Variants in WNK2 observed in about 807,000 individuals in gnomAD.
WNK2 encodes the protein serine/threonine-protein kinase WNK2.
Under a neutral mutation model 192.1 loss-of-function variants are expected in WNK2, and 67 were observed. The ratio of observed to expected loss-of-function variants is 0.35; its 90% CI spans 0.29 to 0.43. The LOEUF (loss-of-function observed/expected upper bound fraction) is 0.43, where lower values mean the gene tolerates loss of function less well. Ranked by LOEUF, WNK2 falls within the 20% of genes least tolerant of loss-of-function variation. The pLI, the probability that WNK2 is intolerant of heterozygous loss-of-function variation, is 1.00. For missense variants in WNK2, 2,698 were observed against 3,089.7 expected (o/e 0.87, Z 3.01); for synonymous variants, 1,439 against 1,393.9 (o/e 1.03, Z -0.72).
At chr9:93,275,612 A>C (rs1351436536) in intron 19 of WNK2, among the ~76,000 whole-genome samples, 2 of 152,236 alleles carry the variant, frequency 1.3e-5, no homozygotes, top group East Asian at 3.8e-4. Flanking sequence ...ATTTAAAGAC[A>C]AGCAAGAAAC....
chr9:93,239,529 T>A lies in WNK2; in HGVS notation c.1323-228T>A, dbSNP rs567331115. On this transcript the variant is annotated intron_variant, in intron 6 of 29. Transcript: ENST00000427277. The surrounding 1 kb of genome is among the most constrained non-coding windows in gnomAD (Gnocchi z 4.2). The stretch of plus-strand genomic sequence containing the variant: ...ATTGAATCTTTTATGAGCATGTTTT[T>A]TTTTTTTATAATGAGGGGGAATAAA... Among the ~76,000 whole-genome samples the A allele has an allele frequency of 2.3e-4, 35 of 152,350 alleles. No individual in the cohort carries two copies. Among genetic ancestry groups the A allele is most frequent in the Middle Eastern group, 3.4e-3 (1 of 294 alleles).
At chr9:93,271,621 G>A (rs1484999133) in intron 19 of WNK2, among the ~76,000 whole-genome samples, 3 of 152,178 alleles carry the variant, frequency 2.0e-5, no homozygotes, top group Admixed American at 6.5e-5. Context: ...TGTCCCACTG[G>A]AAAACAGGGG....
chr9:93,279,151 C>T (rs1290225158), intron 19 of WNK2, among the ~76,000 whole-genome samples: 1 of 152,162 alleles, frequency 6.6e-6, no homozygotes, highest in Non-Finnish European at 1.5e-5. Flanking sequence ...GCATAAAACA[C>T]ATCCAGATTG....
chr9:93,232,100 C>A (rs886572593), intron 4 of WNK2, among the ~76,000 whole-genome samples: 6 of 152,178 alleles, frequency 3.9e-5, no homozygotes, highest in African/African-American at 1.4e-4. Flanking sequence ...ACCCAGCATG[C>A]CCCCAATGTG....
rs544611112 is a variant in WNK2 at position 93,184,554 on chromosome 9, A to G, written c.-3+169A>G. ...CCCCGGGCTTCCCTATCCCCTTTAC[A>G]GCTGCCTCCGGGACAGCCTAGCAGA... On this transcript the variant is annotated intron_variant, in intron 1 of 29. Coordinates refer to ENST00000427277, the MANE Select transcript of WNK2 (RefSeq NM_006648.4). Among the ~76,000 whole-genome samples, 3 of 151,648 alleles carry G rather than the reference A, an allele frequency of 2.0e-5. No individual in the cohort carries two copies. In the South Asian group the frequency reaches 6.2e-4, roughly 32 times the overall value.
intron 21 of WNK2, among the ~76,000 whole-genome samples, chr9:93,291,714 G>C (rs1849387853): frequency 6.6e-6 from 1 of 152,224 alleles, no homozygotes; most frequent in Non-Finnish European, 1.5e-5. Flanking sequence ...TCTGGCTCAT[G>C]CCCTGGCCTA....
At chr9:93,248,790 G>A (rs1842141056) in intron 8 of WNK2, among the ~76,000 whole-genome samples, 1 of 152,328 alleles carries the variant, frequency 6.6e-6, no homozygotes, top group African/African-American at 2.4e-5. Context: ...AACATCCTAA[G>A]AATTCAGCAG....
rs1328055509 is a variant in WNK2, at chr9:93,257,101, C to T, written c.2344C>T (p.Gln782Ter). Residue 782 changes from glutamine (Q) to a stop codon, truncating the protein, a stop_gained, in exon 11 of 30, where the codon CAG becomes TAG. Transcript: ENST00000427277. LOFTEE classifies it high-confidence loss of function. This position sits in a 1 kb window ranked among gnomAD's most constrained non-coding sequence, Gnocchi z 4.7. The stretch of plus-strand genomic sequence containing the variant: ...TCAGCTGAAGCCCCTCCAGATGCCA[C>T]AGGCGCCCCTGCAGCCGCTTGCTCA... ...PAQLKPLQMP[Q>*]APLQPLAQVP... 1 of 1,608,998 alleles carries T rather than the reference C, an allele frequency of 6.2e-7. No homozygotes were observed. Among genetic ancestry groups the T allele is most frequent in the Non-Finnish European group, 8.5e-7 (1 of 1,179,044 alleles).
intron 2 of WNK2, among the ~76,000 whole-genome samples, chr9:93,211,707 C>T (rs923592379): frequency 2.6e-5 from 4 of 151,744 alleles, no homozygotes; most frequent in African/African-American, 9.7e-5. Context: ...TACTCATTCA[C>T]CATTCATCTA....
chr9:93,249,171 A>G (rs541497378), intron 8 of WNK2, among the ~76,000 whole-genome samples: 16 of 152,366 alleles, frequency 1.1e-4, no homozygotes, highest in Admixed American at 2.0e-4. Context: ...CACATCTGAC[A>G]CAGCACTACG....
At chr9:93,215,703 T>C (rs572791907) in intron 2 of WNK2, among the ~76,000 whole-genome samples, 244 of 152,356 alleles carry the variant, frequency 1.6e-3, no homozygotes, top group African/African-American at 5.4e-3. Flanking sequence ...GTGAAATTAT[T>C]TGTCCTGCTA....
At chr9:93,212,672 C>T (rs1328402563) in intron 2 of WNK2, among the ~76,000 whole-genome samples, 1 of 152,142 alleles carries the variant, frequency 6.6e-6, no homozygotes. Flanking sequence ...GGAGCAGCAT[C>T]GACATGCAGG....
At position 93,185,738 on chromosome 9, in the gene WNK2, C is replaced by T. The variant is rs1245797035; in HGVS notation, c.681+128C>T. On this transcript the variant is annotated intron_variant, in intron 2 of 29. Coordinates refer to ENST00000427277, the MANE Select transcript of WNK2 (RefSeq NM_006648.4). Reference sequence around the variant, plus strand: ...GGCGGCGGGGCTCCATGTGTGTCACCCTCTGTGTGGATGGCTGGCAGGATG... The same window carrying T: ...GGCGGCGGGGCTCCATGTGTGTCACTCTCTGTGTGGATGGCTGGCAGGATG... 1.5e-5 allele frequency: 17 copies of T among 1,107,156 alleles called. No homozygotes were observed. In the East Asian group the frequency reaches 3.4e-4, roughly 22 times the overall value. 68.6% of individuals were successfully genotyped at this position (1,107,156 alleles called of 1,614,324 possible).
intron 19 of WNK2, among the ~76,000 whole-genome samples, chr9:93,273,646 T>A (rs933872251): frequency 6.6e-6 from 1 of 152,068 alleles, no homozygotes; most frequent in Non-Finnish European, 1.5e-5. Flanking sequence ...ATATAGAAGA[T>A]CTGAAAACAC....
In WNK2 at chr9:93,257,013, C is replaced by T. The variant is rs778418466; in HGVS notation, c.2256C>T (p.Leu752=). The change falls in exon 11 of 30, where the codon CTC becomes CTT. Residue 752 remains leucine, a synonymous_variant. Transcript: ENST00000427277. The surrounding 1 kb of genome is among the most constrained non-coding windows in gnomAD (Gnocchi z 4.7). ...QVLAPQPVVP[L]QPVPPHLPPY... ...TGGCCCCACAGCCCGTGGTCCCCCT[C>T]CAGCCGGTTCCCCCCCACCTGCCAC... is the stretch of plus-strand genomic sequence containing the variant. 7 of 1,602,528 alleles carry T rather than the reference C, an allele frequency of 4.4e-6. No individual in the cohort carries two copies. Among genetic ancestry groups the T allele is most frequent in the Non-Finnish European group, 5.9e-6 (7 of 1,177,494 alleles).
chr9:93,265,193 G>A (rs1844963280), intron 16 of WNK2, among the ~76,000 whole-genome samples: 1 of 152,254 alleles, frequency 6.6e-6, no homozygotes, highest in South Asian at 2.1e-4. Flanking sequence ...CAATAAGCGA[G>A]AGAGAATGAG....
At chr9:93,279,858 A>AG (rs1265711640) in intron 19 of WNK2, among the ~76,000 whole-genome samples, 1 of 152,154 alleles carries the variant, frequency 6.6e-6, no homozygotes, top group Non-Finnish European at 1.5e-5. Flanking sequence ...ACACACACAC[A>AG]AAAAAGGATG....
chr9:93,188,833 G>A (rs115900281), intron 2 of WNK2, among the ~76,000 whole-genome samples: 1,750 of 152,316 alleles, frequency 0.011, 24 homozygotes, highest in African/African-American at 0.035. Context: ...AGGGGGTGGT[G>A]AGGCCACAAT....
At position 93,190,071 on chromosome 9, in the gene WNK2, T is replaced by C. The variant is rs568004766; in HGVS notation, c.681+4461T>C. Among the ~76,000 whole-genome samples the C allele has an allele frequency of 7.9e-5, 12 of 152,326 alleles. No homozygotes were observed. In the East Asian group the frequency reaches 2.1e-3, roughly 27 times the overall value. On this transcript the variant is annotated intron_variant, in intron 2 of 29. Transcript: ENST00000427277. ...TGGGAGAGTTGTAATTTGAAATCAG[T>C]TGGATGCCAGCACTGAATTTGCTTT...
Sources: allele counts gnomAD v4.1 joint callset (sites outside exome capture counted in the v4.1 genomes callset), GRCh38; gene constraint gnomAD v4.1.1; non-coding constraint Gnocchi (gnomAD v3.1); transcripts MANE v1.5; gene names NCBI Gene and HGNC (gene_info 2026-07-23, HGNC 2026-07-21).